Variants in SH3D19 observed in about 807,000 individuals in gnomAD.
The protein encoded by SH3D19 is SH3 domain containing 19, also known as SH3 domain-containing protein 19.
A neutral mutation model predicts 112.1 loss-of-function variants in SH3D19; 58 were observed. The ratio of observed to expected loss-of-function variants is 0.52; its 90% confidence interval spans 0.42 to 0.64. SH3D19 has a LOEUF of 0.64. Ranked by LOEUF, SH3D19 falls within the 30% of genes least tolerant of loss-of-function variation. The probability of loss-of-function intolerance (pLI) is 0.00; values close to 1 mark genes in which losing one functional copy is unlikely to be tolerated. For synonymous variants in SH3D19, 391 were observed against 448.5 expected, an observed-to-expected ratio of 0.87 and a Z score of 1.62; for missense variants, 1,090 against 1,263.4, an observed-to-expected ratio of 0.86 and a Z score of 2.08.
At chr4:151,157,350 A>C (rs1024644106) in intron 9 of SH3D19, among the ~76,000 whole-genome samples, 7 of 152,068 alleles carry the variant, frequency 4.6e-5, no homozygotes, top group African/African-American at 1.4e-4. Context: ...CAACCTCACT[A>C]ATCATCAGGG....
intron 1 of SH3D19, chr4:151,279,855 C>T (rs767496040): frequency 3.6e-5 from 57 of 1,599,530 alleles, no homozygotes; most frequent in South Asian, 1.4e-4. Context: ...TGCTGCAGGG[C>T]GCTGGCCTTG....
At chr4:151,291,818 G>T (rs186997054) in intron 1 of SH3D19, among the ~76,000 whole-genome samples, 13 of 152,236 alleles carry the variant, frequency 8.5e-5, no homozygotes, top group Admixed American at 8.5e-4. Flanking sequence ...GTGCCCATGG[G>T]TTGCATCATG....
intron 2 of SH3D19, among the ~76,000 whole-genome samples, chr4:151,214,097 T>C (rs993286019): frequency 4.0e-5 from 6 of 150,242 alleles, no homozygotes; most frequent in Non-Finnish European, 3.0e-5. Context: ...TTCAAGCATC[T>C]GTTTAACAAA....
intron 7 of SH3D19, among the ~76,000 whole-genome samples, chr4:151,171,616 T>C (rs1759085425): frequency 6.6e-6 from 1 of 152,172 alleles, no homozygotes; most frequent in Admixed American, 6.5e-5. Flanking sequence ...CATTACTGGA[T>C]TGAGAAAAAC....
chr4:151,132,381 T>A lies in SH3D19; in HGVS notation c.2692A>T (p.Thr898Ser), dbSNP rs199543364. 4.0e-5 allele frequency: 64 copies of A among 1,613,500 alleles called. No homozygotes were observed. The highest frequency in any genetic ancestry group is 5.4e-5 in the Non-Finnish European group (64 of 1,179,784). ...YPTSGANVLSTKVPLKTKKED... is the reference protein window; with the variant it reads ...YPTSGANVLSSKVPLKTKKED... ...TTTTTGGTTTTCAGTGGTACCTTTG[T>A]GCCTACATTAAAAAAACAAACAAAC... The change falls in exon 17 of 20, where the codon ACA becomes TCA. Residue 898 changes from threonine to serine, a missense_variant and splice_region_variant. By Grantham distance (58) the Thr-to-Ser change is moderately conservative. Coordinates refer to ENST00000604030, the MANE Select transcript of SH3D19 (RefSeq NM_001378122.1).
chr4:151,161,635 TATATA>T, intron 8 of SH3D19, among the ~76,000 whole-genome samples: 1 of 141,360 alleles, frequency 7.1e-6, no homozygotes, highest in African/African-American at 2.7e-5. Flanking sequence ...TATATATATA[TATATA>T]TTTTAATTAT....
chr4:151,195,562 G>C (rs1353327887), intron 2 of SH3D19, among the ~76,000 whole-genome samples: 1 of 151,826 alleles, frequency 6.6e-6, no homozygotes, highest in Non-Finnish European at 1.5e-5. Context: ...CTGTGGATAA[G>C]AAAAGAGCTT....
At chr4:151,291,131 G>C in intron 1 of SH3D19, 6 of 1,610,982 alleles carry the variant, frequency 3.7e-6, no homozygotes, top group Non-Finnish European at 5.1e-6. Context: ...GATTCTGGAG[G>C]GCCTCTGTCG....
At chr4:151,180,598 G>A (rs1375801161) in intron 3 of SH3D19, among the ~76,000 whole-genome samples, 1 of 151,306 alleles carries the variant, frequency 6.6e-6, no homozygotes, top group East Asian at 2.0e-4. Flanking sequence ...AGTAGATACG[G>A]GGTTTCACCG....
rs1421764960 is a variant in SH3D19 at position 151,175,218 on chromosome 4, G to A, written c.986C>T (p.Ser329Phe). 1 of 1,614,190 alleles carries A rather than the reference G, an allele frequency of 6.2e-7. No homozygotes were observed. ...GGGAGCTACAGAAGGTTTCCCTGAGGAAACAGTAGGCTTTGGAGGAAGTGA... is the reference window on the plus strand; with the variant it reads ...GGGAGCTACAGAAGGTTTCCCTGAGAAAACAGTAGGCTTTGGAGGAAGTGA... ...PRSLPPKPTV[S>F]SGKPSVAPKP... Residue 329 changes from serine to phenylalanine, a missense_variant, in exon 7 of 20, where the codon TCC (serine) becomes TTC (phenylalanine). By Grantham distance (155) the Ser-to-Phe change is radical. Coordinates refer to ENST00000604030, the MANE Select transcript of SH3D19 (RefSeq NM_001378122.1).
At position 151,175,746 on chromosome 4, in the gene SH3D19, T is replaced by C. The variant is rs926165146; in HGVS notation, c.530-72A>G. 6 of 1,210,288 alleles carry C rather than the reference T, an allele frequency of 5.0e-6. No homozygotes were observed. The East Asian group carries it at 1.9e-4, about 38-fold the overall frequency. 75.0% of individuals were successfully genotyped at this position (1,210,288 alleles called of 1,614,324 possible). ...CGTTAACAATGTATAAGGAAAAAAA[T>C]AGAAGATACACAGATTTAAAACTAC... On this transcript the variant is annotated intron_variant, in intron 6 of 19. Transcript: ENST00000604030.
At chr4:151,293,073 T>C (rs1473808797) in intron 1 of SH3D19, among the ~76,000 whole-genome samples, 1 of 151,770 alleles carries the variant, frequency 6.6e-6, no homozygotes, top group Non-Finnish European at 1.5e-5. Flanking sequence ...TGAGCCAAGA[T>C]CCCATCACTG....
At position 151,266,242 on chromosome 4, in the gene SH3D19, G is replaced by A. The variant is rs1264276631; in HGVS notation, c.113-40156C>T. The A allele has an allele frequency of 7.2e-5, 11 of 152,306 alleles. No homozygotes were observed. In the East Asian group the frequency reaches 1.9e-3, roughly 27 times the overall value. The allele number at this position is 152,306 out of a possible 1,614,324, so 9.4% of individuals were successfully genotyped here. A position where few individuals can be genotyped will look rare whatever the true frequency, so the allele number is the denominator to read the frequency against. ...ATTAAGACGGAGGATAGTCAGCATG[G>A]AATCTAAGAAGGGAAAAGTCCGTTA... is the stretch of plus-strand genomic sequence containing the variant. On this transcript the variant is annotated intron_variant, in intron 1 of 19. Transcript: ENST00000604030.
chr4:151,311,211 A>G (rs1729429262), intron 1 of SH3D19, among the ~76,000 whole-genome samples: 1 of 151,812 alleles, frequency 6.6e-6, no homozygotes, highest in African/African-American at 2.4e-5. Flanking sequence ...CAACACAGTG[A>G]GACTGCATCT....
chr4:151,143,229 C>CAA (rs200054803), intron 12 of SH3D19, among the ~76,000 whole-genome samples: 3 of 117,056 alleles, frequency 2.6e-5, no homozygotes, highest in African/African-American at 3.2e-5. Context: ...GACCTTATCT[C>CAA]AAAAAAAAAA....
At chr4:151,244,423 G>A (rs529011250) in intron 1 of SH3D19, among the ~76,000 whole-genome samples, 40 of 152,292 alleles carry the variant, frequency 2.6e-4, no homozygotes, top group African/African-American at 8.7e-4. Context: ...CAACGAAGTC[G>A]GGAAAGGAAG....
chr4:151,275,149 C>G (rs1410089418), intron 1 of SH3D19, among the ~76,000 whole-genome samples: 2 of 151,364 alleles, frequency 1.3e-5, no homozygotes, highest in African/African-American at 4.9e-5. Context: ...TGCAGTGGCG[C>G]GATCTCGGCT....
At chr4:151,309,947 A>G (rs918427874) in intron 1 of SH3D19, among the ~76,000 whole-genome samples, 2 of 152,008 alleles carry the variant, frequency 1.3e-5, no homozygotes, top group Non-Finnish European at 2.9e-5. Flanking sequence ...CAGAGATGAC[A>G]CCGCTGCCCT....
intron 2 of SH3D19, among the ~76,000 whole-genome samples, chr4:151,196,978 A>G (rs1221630841): frequency 1.3e-5 from 2 of 152,248 alleles, no homozygotes; most frequent in Non-Finnish European, 2.9e-5. Flanking sequence ...CCATAATAAA[A>G]AAATCAAAAA....
Sources: gnomAD v4.1 joint callset for allele counts (sites outside exome capture counted in the v4.1 genomes callset) on GRCh38, gnomAD v4.1.1 for gene constraint, MANE v1.5 for transcripts, NCBI Gene and HGNC (gene_info 2026-07-23, HGNC 2026-07-21) for gene names.